Variants in UNC13B observed in about 807,000 individuals in gnomAD.
The protein encoded by UNC13B is protein unc-13 homolog B.
UNC13B carries 144 observed loss-of-function variants against 211.0 expected under a neutral mutation model. The observed-to-expected ratio is 0.68, with a 90% CI of 0.60 to 0.78. The LOEUF (loss-of-function observed/expected upper bound fraction) is 0.78. Ranked by LOEUF, UNC13B falls within the 30% of genes least tolerant of loss-of-function variation. The probability of loss-of-function intolerance (pLI) is 0.00; values close to 1 mark genes in which losing one functional copy is unlikely to be tolerated. For missense variants in UNC13B, 1,777 were observed against 2,002.0 expected, an observed-to-expected ratio of 0.89 and a Z score of 2.14; for synonymous variants, 709 against 725.8, an observed-to-expected ratio of 0.98 and a Z score of 0.37.
chr9:35,241,557 GCACACACACACACACACA>G (rs3067420), intron 5 of UNC13B, among the ~76,000 whole-genome samples: 6 of 145,060 alleles, frequency 4.1e-5, no homozygotes, highest in Admixed American at 1.4e-4. Context: ...CTGAATATAA[GCACACACACACACACACA>G]CACACACACA....
chr9:35,217,111 G>A (rs1313221553), intron 1 of UNC13B, among the ~76,000 whole-genome samples: 1 of 152,126 alleles, frequency 6.6e-6, no homozygotes, highest in Admixed American at 6.5e-5. Flanking sequence ...AGTAACATGG[G>A]TCTACATATG....
At chr9:35,400,269 A>G (rs1296264095) in intron 36 of UNC13B, 27 bp from the exon 37 acceptor site, 1 of 1,610,908 alleles carries the variant, frequency 6.2e-7, no homozygotes. Context: ...GGGATGAAGC[A>G]GTCACGGGTG....
intron 7 of UNC13B, among the ~76,000 whole-genome samples, chr9:35,273,110 G>A (rs1414840600): frequency 2.6e-5 from 4 of 152,052 alleles, no homozygotes; most frequent in African/African-American, 7.2e-5. Flanking sequence ...TTAGTAAAAC[G>A]GCATAACCCA....
intron 1 of UNC13B, among the ~76,000 whole-genome samples, chr9:35,185,765 C>CAA (rs202222034): frequency 4.8e-5 from 6 of 124,936 alleles, no homozygotes; most frequent in South Asian, 2.5e-4. Flanking sequence ...TATTAAAATA[C>CAA]AAAAAAAAAA....
chr9:35,202,875 C>T (rs1270153887), intron 1 of UNC13B, among the ~76,000 whole-genome samples: 3 of 151,596 alleles, frequency 2.0e-5, no homozygotes, highest in East Asian at 1.9e-4. Context: ...TCACTGCAAG[C>T]TCTGCCTCCC....
At chr9:35,180,979 A>T (rs967551211) in intron 1 of UNC13B, among the ~76,000 whole-genome samples, 1 of 151,648 alleles carries the variant, frequency 6.6e-6, no homozygotes, top group Admixed American at 6.6e-5. Context: ...CTGTAGTCCC[A>T]GGTACTCAGG....
intron 1 of UNC13B, among the ~76,000 whole-genome samples, chr9:35,176,947 G>C (rs1587296593): frequency 6.6e-6 from 1 of 152,234 alleles, no homozygotes; most frequent in Non-Finnish European, 1.5e-5. Flanking sequence ...AGAAGGATCT[G>C]AGAGAAGGCA....
intron 1 of UNC13B, among the ~76,000 whole-genome samples, chr9:35,179,360 AAGG>A (rs1315091843): frequency 6.6e-6 from 1 of 152,194 alleles, no homozygotes; most frequent in African/African-American, 2.4e-5. Flanking sequence ...TAAAAAATAA[AAGG>A]AGTTTAATAA....
At chr9:35,358,687 A>G (rs1036757344) in intron 11 of UNC13B, among the ~76,000 whole-genome samples, 29 of 132,238 alleles carry the variant, frequency 2.2e-4, no homozygotes, top group African/African-American at 8.0e-4. Context: ...ATTTAGGTCT[A>G]TGATTTTTTT....
intron 1 of UNC13B, among the ~76,000 whole-genome samples, chr9:35,188,209 T>C (rs1822465707): frequency 6.6e-6 from 1 of 152,192 alleles, no homozygotes; most frequent in Admixed American, 6.6e-5. Flanking sequence ...TTACAATCTT[T>C]AAAGCTATTA....
intron 37 of UNC13B, 28 bp downstream of exon 37, chr9:35,400,471 ACCTCT>A: frequency 6.2e-7 from 1 of 1,602,470 alleles, no homozygotes; most frequent in African/African-American, 1.3e-5. Context: ...TTGGGTATCC[ACCTCT>A]CCTCTCTGAT....
chr9:35,169,003 A>C (rs896941313), intron 1 of UNC13B, among the ~76,000 whole-genome samples: 1 of 152,140 alleles, frequency 6.6e-6, no homozygotes, highest in Non-Finnish European at 1.5e-5. Flanking sequence ...AAACAATGTC[A>C]CTGGTGAATG....
At chr9:35,365,757 A>G (rs1046902093) in intron 11 of UNC13B, among the ~76,000 whole-genome samples, 1 of 152,128 alleles carries the variant, frequency 6.6e-6, no homozygotes, top group Non-Finnish European at 1.5e-5. Context: ...TCCCATTACC[A>G]ATATCATCCT....
chr9:35,379,321 G>A (rs1484288423), intron 17 of UNC13B, among the ~76,000 whole-genome samples: 1 of 152,130 alleles, frequency 6.6e-6, no homozygotes, highest in Non-Finnish European at 1.5e-5. Flanking sequence ...GGTGGCAGGT[G>A]CCTGTAGTCC....
chr9:35,377,330 C>T (rs1834490215), intron 15 of UNC13B, 138 bp from the exon 16 acceptor site: 5 of 812,534 alleles, frequency 6.2e-6, no homozygotes, highest in Non-Finnish European at 9.7e-6. Context: ...TGCCAGAGGG[C>T]CCTTGCTTAA....
At chr9:35,210,522 T>C (rs2131414524) in intron 1 of UNC13B, among the ~76,000 whole-genome samples, 1 of 72,110 alleles carries the variant, frequency 1.4e-5, no homozygotes, top group South Asian at 6.9e-4. Context: ...CCCTGTTTAA[T>C]AAACTTATTT....
chr9:35,387,060 G>C (rs1158972205), intron 24 of UNC13B, among the ~76,000 whole-genome samples: 1 of 152,162 alleles, frequency 6.6e-6, no homozygotes, highest in African/African-American at 2.4e-5. Flanking sequence ...TCTGAGGAGA[G>C]CACAGTGCTC....
At chr9:35,342,041 C>T in intron 11 of UNC13B, 2 of 985,506 alleles carry the variant, frequency 2.0e-6, no homozygotes, top group Non-Finnish European at 2.4e-6. Context: ...GCCAGTGAGA[C>T]TCCTGCCAAG....
chr9:35,398,903 G>T lies in UNC13B; in HGVS notation c.11943G>T (p.Glu3981Asp), dbSNP rs12339582. ...GTAGTTTCCAGGTACGGATTGATGA[G>T]TGTGTTCGACAAATGGCCGACATCC... ...FGNSFQVRID[E>D]CVRQMADILG... Residue 3981 changes from glutamate (E) to aspartate (D), a missense_variant, in exon 33 of 40, where the codon GAG becomes GAT. Transcript: ENST00000635942. 8,776 of 1,614,082 alleles carry T rather than the reference G, an allele frequency of 5.4e-3. 343 individuals carry two copies. The African/African-American group carries it at 0.089, about 16-fold the overall frequency.
Sources: allele counts gnomAD v4.1 joint callset (sites outside exome capture counted in the v4.1 genomes callset), GRCh38; gene constraint gnomAD v4.1.1; transcripts MANE v1.5; gene names NCBI Gene and HGNC (gene_info 2026-07-23, HGNC 2026-07-21).